The following ZNF23 variants were observed in gnomAD, a reference collection of about 807,000 sequenced individuals.
ZNF23 encodes the protein kruppel-like zinc finger factor X31.
In ZNF23, 48 loss-of-function variants were observed where a neutral mutation model predicts 56.2. The ratio of observed to expected loss-of-function variants is 0.85; its 90% CI spans 0.68 to 1.09. The LOEUF (loss-of-function observed/expected upper bound fraction) is 1.09, where lower values mean the gene tolerates loss of function less well. ZNF23 is among the 50% of genes least tolerant of loss of function. The pLI, the probability that ZNF23 is intolerant of heterozygous loss-of-function variation, is 0.00. For synonymous variants in ZNF23, 266 were observed against 283.3 expected (o/e 0.94, Z 0.61); for missense variants, 805 against 811.4 (o/e 0.99, Z 0.10).
At position 71,448,119 on chromosome 16, in the gene ZNF23, T is replaced by G; in HGVS notation, c.2035A>C (p.Ser679Arg). Reference sequence around the variant, plus strand: ...TAGGATTTTCCTTCACTATGGACACTCTGATGCTGACTGAGCTGGAAGCTA... The same window carrying G: ...TAGGATTTTCCTTCACTATGGACACGCTGATGCTGACTGAGCTGGAAGCTA... Reference protein sequence around the residue: ...RFSFQLSQHQSVHSEGKS With the variant: ...RFSFQLSQHQRVHSEGKS Residue 679 changes from serine (S) to arginine (R), a missense_variant, in exon 5 of 5, where the codon AGT (serine) becomes CGT (arginine). Transcript: ENST00000647773. 6.2e-7 allele frequency: 1 copy of G among 1,611,570 alleles called. No homozygotes were observed. The highest frequency in any genetic ancestry group is 8.5e-7 in the Non-Finnish European group (1 of 1,178,986).
At chr16:71,453,373 G>C (rs1290113177) in intron 3 of ZNF23, 23 bp from the exon 4 acceptor site, 2 of 1,525,546 alleles carry the variant, frequency 1.3e-6, no homozygotes, top group Middle Eastern at 1.7e-4. Context: ...AGGTAAATAG[G>C]AGAGACAGAT....
intron 4 of ZNF23, 112 bp from the exon 5 acceptor site, chr16:71,449,997 T>C: frequency 2.4e-6 from 2 of 819,234 alleles, no homozygotes; most frequent in Non-Finnish European, 3.6e-6. Flanking sequence ...ATCACCAGAC[T>C]AGGTCAAAAA....
chr16:71,448,069 G>A lies in ZNF23; in HGVS notation c.*24C>T, dbSNP rs201744268. ...TGATCCATTTTGGCATTAACCTTAAGAGTTTTCTATATCTTTCTCATTATT... is the reference window on the plus strand; with the variant it reads ...TGATCCATTTTGGCATTAACCTTAAAAGTTTTCTATATCTTTCTCATTATT... On this transcript the variant is annotated 3_prime_UTR_variant, in exon 5 of 5. Coordinates refer to ENST00000647773, the MANE Select transcript of ZNF23 (RefSeq NM_001381984.1). 2,754 of 1,545,316 alleles carry A rather than the reference G, an allele frequency of 1.8e-3. 3 individuals carry two copies. The highest frequency in any genetic ancestry group is 2.3e-3 in the Non-Finnish European group (2,613 of 1,146,326).
chr16:71,455,332 A>G (rs2043189088), intron 2 of ZNF23, among the ~76,000 whole-genome samples: 1 of 151,710 alleles, frequency 6.6e-6, no homozygotes, highest in African/African-American at 2.4e-5. Context: ...TATCACCACA[A>G]ATCCTTTGAG....
At position 71,453,229 on chromosome 16, in the gene ZNF23, T is replaced by C. The variant is rs1214560242; in HGVS notation, c.268+14A>G. On this transcript the variant is annotated intron_variant, in intron 4 of 4. Coordinates refer to ENST00000647773, the MANE Select transcript of ZNF23 (RefSeq NM_001381984.1). ...CTAAATTCCAACAGAGTGGGAAATA[T>C]GTACCTCCCTTACCAGTCTGGAGGC... 1 of 1,588,214 alleles carries C rather than the reference T, an allele frequency of 6.3e-7. No homozygotes were observed. The highest frequency in any genetic ancestry group is 8.6e-7 in the Non-Finnish European group (1 of 1,162,940).
rs775361971 is a variant in ZNF23, at chr16:71,449,106, G to A, written c.1048C>T (p.Pro350Ser). ...TTCCCACAGTCATTACACTCGTAAG[G>A]TTTCTCTCCAGTGTGGACTCTCTGA... ...THQRVHTGEKPYECNDCGKAF... is the reference protein window; with the variant it reads ...THQRVHTGEKSYECNDCGKAF... Residue 350 changes from proline to serine, a missense_variant, in exon 5 of 5, where the codon CCT becomes TCT. Transcript: ENST00000647773. The A allele has an allele frequency of 2.4e-5, 38 of 1,614,048 alleles. No homozygotes were observed. Among genetic ancestry groups the A allele is most frequent in the Non-Finnish European group, 8.5e-7 (1 of 1,180,036 alleles).
At chr16:71,456,113 G>A (rs1239798472) in intron 2 of ZNF23, 3 of 449,556 alleles carry the variant, frequency 6.7e-6, no homozygotes, top group South Asian at 1.6e-5. Flanking sequence ...CAGGGGATCC[G>A]TGAAGTCCCT....
At chr16:71,456,394 A>G (rs1003628737) in intron 2 of ZNF23, among the ~76,000 whole-genome samples, 2 of 151,942 alleles carry the variant, frequency 1.3e-5, no homozygotes, top group Non-Finnish European at 2.9e-5. Context: ...TCTTCTCTAC[A>G]TCCCCACCAC....
At position 71,453,388 on chromosome 16, in the gene ZNF23, A is replaced by C. The variant is rs183787092; in HGVS notation, c.161-38T>G. ...AGGTAAATAGGAGAGACAGATGAAT[A>C]AACTCCCACAGACAAATTCCTAAGC... On this transcript the variant is annotated intron_variant, in intron 3 of 4. Coordinates refer to ENST00000647773, the MANE Select transcript of ZNF23 (RefSeq NM_001381984.1). 104 of 1,438,714 alleles carry C rather than the reference A, an allele frequency of 7.2e-5. No homozygotes were observed. In the African/African-American group the frequency reaches 1.3e-3, roughly 18 times the overall value. 89.1% of individuals were successfully genotyped at this position (1,438,714 alleles called of 1,614,324 possible).
chr16:71,454,641 C>A (rs558112626), intron 2 of ZNF23, among the ~76,000 whole-genome samples: 1 of 152,256 alleles, frequency 6.6e-6, no homozygotes, highest in Admixed American at 6.5e-5. Flanking sequence ...CCACCAGATT[C>A]CCTTCACAGA....
At chr16:71,455,656 C>T (rs181091723) in intron 2 of ZNF23, among the ~76,000 whole-genome samples, 2 of 152,292 alleles carry the variant, frequency 1.3e-5, no homozygotes, top group East Asian at 3.9e-4. Context: ...CACACCCGGC[C>T]ATGATTTTTC....
chr16:71,460,868 T>G (rs2043421223), intron 1 of ZNF23, among the ~76,000 whole-genome samples: 1 of 146,268 alleles, frequency 6.8e-6, no homozygotes, highest in South Asian at 2.6e-4. Flanking sequence ...TATCAGCACA[T>G]TTTAATAACA....
At position 71,448,343 on chromosome 16, in the gene ZNF23, T is replaced by G; in HGVS notation, c.1811A>C (p.Gln604Pro). 6.2e-7 allele frequency: 1 copy of G among 1,614,122 alleles called. No homozygotes were observed. The highest frequency in any genetic ancestry group is 8.5e-7 in the Non-Finnish European group (1 of 1,180,002). Residue 604 changes from glutamine (Q) to proline (P), a missense_variant, in exon 5 of 5, where the codon CAG (glutamine) becomes CCG (proline). By Grantham distance (76) the Gln-to-Pro change is moderately conservative. Coordinates refer to ENST00000647773, the MANE Select transcript of ZNF23 (RefSeq NM_001381984.1). Reference sequence around the variant, plus strand: ...GAAGGCTTTTCCACACTCCTTACACTGAAAGGGTTTCTCTCCTGTATGGAT... The same window carrying G: ...GAAGGCTTTTCCACACTCCTTACACGGAAAGGGTTTCTCTCCTGTATGGAT... ...QRIHTGEKPF[Q>P]CKECGKAFHV... is the part of the protein sequence containing the mutation.
chr16:71,455,020 G>T (rs1031654437), intron 2 of ZNF23, among the ~76,000 whole-genome samples: 1 of 152,110 alleles, frequency 6.6e-6, no homozygotes, highest in African/African-American at 2.4e-5. Flanking sequence ...AACCATGGGG[G>T]CTCACTGGCA....
At chr16:71,460,482 T>C (rs1262758816) in intron 1 of ZNF23, among the ~76,000 whole-genome samples, 1 of 152,226 alleles carries the variant, frequency 6.6e-6, no homozygotes, top group African/African-American at 2.4e-5. Flanking sequence ...ATTCTTTCAA[T>C]GTTTCGGAAA....
chr16:71,461,224 A>G (rs2043443550), intron 1 of ZNF23, among the ~76,000 whole-genome samples: 1 of 152,110 alleles, frequency 6.6e-6, no homozygotes, highest in East Asian at 1.9e-4. Context: ...AGTACTGGCA[A>G]TCTTCTCTTT....
In ZNF23 at chr16:71,454,034, G is replaced by A; in HGVS notation, c.160+8C>T. On this transcript the variant is annotated splice_region_variant and intron_variant, in intron 3 of 4. Coordinates refer to ENST00000647773, the MANE Select transcript of ZNF23 (RefSeq NM_001381984.1). ...AGATTCCAGGTTCCCAGGGTAGAGA[G>A]GTCTTACCCAGGGAGGCCACATTCC... 1 of 1,614,030 alleles carries A rather than the reference G, an allele frequency of 6.2e-7. No individual in the cohort carries two copies. Among genetic ancestry groups the A allele is most frequent in the Non-Finnish European group, 8.5e-7 (1 of 1,179,920 alleles).
At chr16:71,450,634 G>A (rs757574480) in intron 4 of ZNF23, 1 of 425,214 alleles carries the variant, frequency 2.4e-6, no homozygotes, top group South Asian at 1.6e-5. Context: ...CAGGAGAATT[G>A]CTCGAACCCG....
intron 2 of ZNF23, chr16:71,456,158 G>A: frequency 2.3e-6 from 1 of 427,748 alleles, no homozygotes; most frequent in Admixed American, 2.5e-5. Flanking sequence ...GCAGGTTTAT[G>A]TTCTGCAGGT....
Sources: allele counts gnomAD v4.1 joint callset (sites outside exome capture counted in the v4.1 genomes callset), GRCh38; gene constraint gnomAD v4.1.1; transcripts MANE v1.5; gene names NCBI Gene and HGNC (gene_info 2026-07-23, HGNC 2026-07-21).